PLB1: variants seen among roughly 807,000 people sequenced by gnomAD.
The protein encoded by PLB1 is phospholipase B1, membrane-associated.
A neutral mutation model predicts 227.4 loss-of-function variants in PLB1; 242 were observed. That is an observed-to-expected ratio of 1.06 (90% CI 0.96 to 1.18). PLB1 has a LOEUF of 1.18. Among genes scored for constraint, PLB1 ranks in the 50% most tolerant of loss-of-function variants. PLB1 has a pLI of 0.00. For synonymous variants in PLB1, 757 were observed against 682.2 expected (o/e 1.11, Z -1.71); for missense variants, 1,858 against 1,816.3 (o/e 1.02, Z -0.42).
chr2:28,554,332 GAA>G (rs1396195705), intron 17 of PLB1, among the ~76,000 whole-genome samples: 2 of 125,650 alleles, frequency 1.6e-5, no homozygotes, highest in East Asian at 2.5e-4. Context: ...GAGAGAGAGA[GAA>G]ATTTTTTTTT....
chr2:28,618,869 G>A (rs1038472416), intron 46 of PLB1, among the ~76,000 whole-genome samples: 7 of 152,086 alleles, frequency 4.6e-5, no homozygotes, highest in Admixed American at 2.0e-4. Context: ...AATTGTGTTC[G>A]CCAATTACTT....
chr2:28,588,706 A>G (rs965173533), intron 26 of PLB1, among the ~76,000 whole-genome samples: 1 of 152,208 alleles, frequency 6.6e-6, no homozygotes, highest in African/African-American at 2.4e-5. Context: ...GAGAGCCTCA[A>G]AGAAGTGCAC....
chr2:28,523,023 C>A (rs189037293), intron 4 of PLB1, among the ~76,000 whole-genome samples: 1 of 152,190 alleles, frequency 6.6e-6, no homozygotes, highest in Non-Finnish European at 1.5e-5. Flanking sequence ...ATACGCACTT[C>A]TTTGGAACTA....
chr2:28,542,625 G>A (rs1012657334), intron 13 of PLB1, among the ~76,000 whole-genome samples: 4 of 152,182 alleles, frequency 2.6e-5, no homozygotes, highest in South Asian at 2.1e-4. Context: ...CCCCCTGCAC[G>A]CTCCTCTCCA....
rs1558701070 is a variant in PLB1 at position 28,539,185 on chromosome 2, G to A, written c.698+7G>A. The A allele has an allele frequency of 1.2e-6, 2 of 1,610,266 alleles. No individual in the cohort carries two copies. The highest frequency in any genetic ancestry group is 1.7e-6 in the Non-Finnish European group (2 of 1,176,448). ...ATCACGGCACTTGGCTCAGGTAAAAGGGGAAGTGGAATGAGACACGCATCT... is the reference window on the plus strand; with the variant it reads ...ATCACGGCACTTGGCTCAGGTAAAAAGGGAAGTGGAATGAGACACGCATCT... On this transcript the variant is annotated splice_region_variant and intron_variant, in intron 11 of 57. Coordinates refer to ENST00000327757, the MANE Select transcript of PLB1 (RefSeq NM_153021.5).
intron 33 of PLB1, chr2:28,594,437 A>G (rs1229557759): frequency 6.1e-6 from 1 of 163,174 alleles, no homozygotes; most frequent in East Asian, 1.7e-4. Flanking sequence ...CTCAGAATTT[A>G]CCTGGGAAAA....
intron 26 of PLB1, among the ~76,000 whole-genome samples, 159 bp downstream of exon 26, chr2:28,586,001 T>A (rs968572587): frequency 2.0e-5 from 3 of 152,328 alleles, no homozygotes; most frequent in African/African-American, 7.2e-5. Flanking sequence ...CAGCAGGGGC[T>A]GCTACTTGGT....
intron 14 of PLB1, among the ~76,000 whole-genome samples, chr2:28,547,004 A>G (rs1181605739): frequency 2.0e-5 from 3 of 152,030 alleles, no homozygotes; most frequent in South Asian, 2.1e-4. Flanking sequence ...ATTTGAGAAC[A>G]GCCTGGGCAA....
At chr2:28,503,355 A>G (rs981922446) in intron 1 of PLB1, among the ~76,000 whole-genome samples, 1 of 151,914 alleles carries the variant, frequency 6.6e-6, no homozygotes, top group Non-Finnish European at 1.5e-5. Flanking sequence ...GAGTCTCACT[A>G]TCTTTCCCAG....
chr2:28,531,397 C>T (rs1670992503), intron 8 of PLB1, among the ~76,000 whole-genome samples: 1 of 152,114 alleles, frequency 6.6e-6, no homozygotes, highest in African/African-American at 2.4e-5. Flanking sequence ...TCACAACTTC[C>T]ACCTCCCGGG....
intron 9 of PLB1, 71 bp from the exon 10 acceptor site, chr2:28,538,248 G>A (rs1346661250): frequency 3.1e-6 from 5 of 1,594,972 alleles, no homozygotes; most frequent in Non-Finnish European, 4.3e-6. Context: ...TGGGCCTGTT[G>A]TGAGTCTGGG....
intron 26 of PLB1, among the ~76,000 whole-genome samples, chr2:28,588,537 A>G (rs951303310): frequency 3.4e-4 from 52 of 152,244 alleles, no homozygotes; most frequent in African/African-American, 1.2e-3. Flanking sequence ...ATTCCCAGGT[A>G]TGTAAGCCTG....
At chr2:28,546,965 C>G (rs776540216) in intron 14 of PLB1, among the ~76,000 whole-genome samples, 10 of 151,846 alleles carry the variant, frequency 6.6e-5, no homozygotes, top group Admixed American at 3.9e-4. Context: ...TTTGGGAGTC[C>G]GAGGCAGGAG....
intron 14 of PLB1, among the ~76,000 whole-genome samples, chr2:28,545,536 T>G (rs978054105): frequency 6.6e-6 from 1 of 152,126 alleles, no homozygotes; most frequent in Non-Finnish European, 1.5e-5. Context: ...GGTCCCACTT[T>G]CGGTGGTTTC....
chr2:28,498,546 C>A (rs565807735), intron 1 of PLB1, among the ~76,000 whole-genome samples: 27 of 152,326 alleles, frequency 1.8e-4, no homozygotes, highest in African/African-American at 6.5e-4. Context: ...CAGGTATGAG[C>A]CACCACATCC....
chr2:28,582,610 G>A, intron 25 of PLB1, 105 bp downstream of exon 25: 4 of 830,558 alleles, frequency 4.8e-6, no homozygotes, highest in African/African-American at 1.7e-5. Flanking sequence ...AGTGTGAAAG[G>A]GCTGTGACCA....
At chr2:28,561,068 A>T (rs776063036) in intron 17 of PLB1, among the ~76,000 whole-genome samples, 4 of 152,200 alleles carry the variant, frequency 2.6e-5, no homozygotes, top group African/African-American at 4.8e-5. Flanking sequence ...CCCCCTCCTC[A>T]GGCCCCCCAG....
At chr2:28,511,892 C>T (rs1057182213) in intron 1 of PLB1, among the ~76,000 whole-genome samples, 1 of 149,094 alleles carries the variant, frequency 6.7e-6, no homozygotes, top group Non-Finnish European at 1.5e-5. Context: ...TCAAGTAATT[C>T]TCCTGCTTCA....
chr2:28,503,270 AG>A (rs1667300076), intron 1 of PLB1, among the ~76,000 whole-genome samples: 1 of 151,898 alleles, frequency 6.6e-6, no homozygotes, highest in African/African-American at 2.4e-5. Flanking sequence ...CTCTCTCTCC[AG>A]GCTCCCAAGT....
Sources: gnomAD v4.1 joint callset for allele counts (sites outside exome capture counted in the v4.1 genomes callset) on GRCh38, gnomAD v4.1.1 for gene constraint, MANE v1.5 for transcripts, NCBI Gene and HGNC (gene_info 2026-07-23, HGNC 2026-07-21) for gene names.